PRDM16: variants seen among roughly 807,000 people sequenced by gnomAD.
The protein encoded by PRDM16 is PR/SET domain 16.
In PRDM16, 23 loss-of-function variants were observed where a neutral mutation model predicts 110.6. The ratio of observed to expected loss-of-function variants is 0.21; its 90% CI spans 0.15 to 0.29. The LOEUF is 0.29. Among genes scored for constraint, PRDM16 ranks in the 10% least tolerant of loss-of-function variants. The pLI, the probability that PRDM16 is intolerant of heterozygous loss-of-function variation, is 1.00. For synonymous variants in PRDM16, 799 were observed against 781.8 expected, an observed-to-expected ratio of 1.02 and a Z score of -0.37; for missense variants, 1,615 against 1,794.3, an observed-to-expected ratio of 0.90 and a Z score of 1.81.
Position 3,244,495 on chromosome 1 carries a change from A to C in PRDM16, c.438+358A>C, listed in dbSNP as rs961491926. The stretch of plus-strand genomic sequence containing the variant: ...GTGTTTATTTAACTGTCTTTGCTGG[A>C]TACTCTCATGAAAAGAATATGGGGA... On this transcript the variant is annotated intron_variant, in intron 3 of 16. Coordinates refer to ENST00000270722, the MANE Select transcript of PRDM16 (RefSeq NM_022114.4). The surrounding 1 kb of genome is among the most constrained non-coding windows in gnomAD (Gnocchi z 4.1). Among the ~76,000 whole-genome samples the C allele has an allele frequency of 1.4e-4, 21 of 152,158 alleles. No individual in the cohort carries two copies. Among genetic ancestry groups the C allele is most frequent in the African/African-American group, 5.1e-4 (21 of 41,430 alleles).
intron 1 of PRDM16, among the ~76,000 whole-genome samples, chr1:3,138,107 T>A (rs1295571388): frequency 6.6e-6 from 1 of 152,182 alleles, no homozygotes. Context: ...TTGTCGTTCT[T>A]GGGACACGAA....
In PRDM16 at chr1:3,300,357, CGTGGTGA is replaced by C. The variant is rs1308058514; in HGVS notation, c.438+56221_438+56227del. ...TGGCCATGATGTTTCCGATCCCAGT[CGTGGTGA>C]CTCTGCCCTGGTTGAAGATGCTATG... On this transcript the variant is annotated intron_variant, in intron 3 of 16. Transcript: ENST00000270722. 2.7e-4 allele frequency among the ~76,000 whole-genome samples: 35 copies of C among 131,250 alleles called. No homozygotes were observed. The Middle Eastern group carries it at 0.011, about 42-fold the overall frequency. The allele number at this position is 131,250 out of a possible 152,430, so 86.1% of individuals were successfully genotyped here. A position where few individuals can be genotyped will look rare whatever the true frequency, so the allele number is the denominator to read the frequency against.
Position 3,265,923 on chromosome 1 carries a change from G to C in PRDM16, c.438+21786G>C, listed in dbSNP as rs199592159. ...ACTGCTCCCCAGGGTTCCTTGGTGC[G>C]TGTCTCATAAAGCCCAGGAGGGCGA... On this transcript the variant is annotated intron_variant, in intron 3 of 16. Coordinates refer to ENST00000270722, the MANE Select transcript of PRDM16 (RefSeq NM_022114.4). This position sits in a 1 kb window ranked among gnomAD's most constrained non-coding sequence, Gnocchi z 4.5. 6.6e-6 allele frequency among the ~76,000 whole-genome samples: 1 copy of C among 152,034 alleles called. No individual in the cohort carries two copies. Among genetic ancestry groups the C allele is most frequent in the Non-Finnish European group, 1.5e-5 (1 of 67,996 alleles).
intron 3 of PRDM16, among the ~76,000 whole-genome samples, chr1:3,361,437 G>T (rs1026087623): frequency 6.6e-6 from 1 of 152,248 alleles, no homozygotes; most frequent in Non-Finnish European, 1.5e-5. Context: ...CCTGAAAGTT[G>T]TGTGTAGCAC....
intron 3 of PRDM16, among the ~76,000 whole-genome samples, chr1:3,264,986 G>A (rs1640253592): frequency 6.6e-6 from 1 of 151,938 alleles, no homozygotes; most frequent in Admixed American, 6.6e-5. Flanking sequence ...ATCAGAGGAG[G>A]GGTCAAGCAG....
chr1:3,173,400 G>A (rs1019024558), intron 1 of PRDM16, among the ~76,000 whole-genome samples: 3 of 152,206 alleles, frequency 2.0e-5, no homozygotes, highest in East Asian at 1.9e-4. Context: ...AAATGGGAAC[G>A]CTGCTGTCCC....
chr1:3,431,040 C>T lies in PRDM16; in HGVS notation c.3453C>T (p.Ala1151=), dbSNP rs966858972. The T allele has an allele frequency of 3.3e-5, 51 of 1,562,774 alleles. No homozygotes were observed. The highest frequency in any genetic ancestry group is 2.9e-4 in the Admixed American group (15 of 51,890). Residue 1151 remains alanine (A), a synonymous_variant, in exon 15 of 17, where the codon GCC becomes GCT. Transcript: ENST00000270722. The part of the protein sequence containing the change: ...DTVSPAPEPQ[A]AYEDEEDEEP... ...TGTCCCCCGCACCCGAGCCCCAGGCCGCCTACGAGGATGAGGAGGATGAGG... is the reference window on the plus strand; with the variant it reads ...TGTCCCCCGCACCCGAGCCCCAGGCTGCCTACGAGGATGAGGAGGATGAGG...
intron 1 of PRDM16, among the ~76,000 whole-genome samples, chr1:3,125,502 G>A (rs1557465961): frequency 1.3e-5 from 2 of 152,256 alleles, no homozygotes; most frequent in Admixed American, 6.5e-5. Context: ...GGGCAGAGTC[G>A]CCGGCTCAGC....
intron 2 of PRDM16, among the ~76,000 whole-genome samples, chr1:3,233,251 G>A (rs912416896): frequency 1.3e-5 from 2 of 152,182 alleles, no homozygotes; most frequent in Non-Finnish European, 2.9e-5. Flanking sequence ...TGTGTCGTCG[G>A]TGTGGAGGAG....
intron 1 of PRDM16, among the ~76,000 whole-genome samples, chr1:3,178,267 C>CCGAG (rs1644112075): frequency 4.7e-5 from 7 of 149,864 alleles, no homozygotes; most frequent in East Asian, 4.0e-4. Flanking sequence ...TTGGAGGCCA[C>CCGAG]ATCTACACAG....
chr1:3,315,237 C>T (rs569785446), intron 3 of PRDM16, among the ~76,000 whole-genome samples: 27 of 137,662 alleles, frequency 2.0e-4, no homozygotes, highest in African/African-American at 5.5e-4. Context: ...AGTTTTTGAA[C>T]GTCTACAGCG....
At chr1:3,416,614 C>T (rs1046663003) in intron 10 of PRDM16, among the ~76,000 whole-genome samples, 1 of 152,228 alleles carries the variant, frequency 6.6e-6, no homozygotes, top group Non-Finnish European at 1.5e-5. Context: ...CTTCCCTCTG[C>T]ATCTGTATCA....
At chr1:3,235,389 A>C (rs1195034900) in intron 2 of PRDM16, among the ~76,000 whole-genome samples, 2 of 152,038 alleles carry the variant, frequency 1.3e-5, no homozygotes, top group Non-Finnish European at 2.9e-5. Context: ...GCCACATGTC[A>C]CCTGCTTTTA....
intron 3 of PRDM16, among the ~76,000 whole-genome samples, chr1:3,284,371 G>T (rs74050828): frequency 0.02 from 3,045 of 152,278 alleles, 118 homozygotes; most frequent in African/African-American, 0.069. Flanking sequence ...TTTATCTGGA[G>T]GGGGAGGGAG....
intron 1 of PRDM16, among the ~76,000 whole-genome samples, chr1:3,134,270 G>T (rs1643392407): frequency 6.6e-6 from 1 of 152,180 alleles, no homozygotes; most frequent in Non-Finnish European, 1.5e-5. Context: ...TTCAGCTGGG[G>T]GACGGAGCTT....
intron 2 of PRDM16, among the ~76,000 whole-genome samples, chr1:3,210,204 G>C (rs917714013): frequency 6.6e-6 from 1 of 152,236 alleles, no homozygotes; most frequent in African/African-American, 2.4e-5. Flanking sequence ...CAGCCAGCCT[G>C]CACTCACAGG....
chr1:3,164,380 G>A (rs972863290), intron 1 of PRDM16, among the ~76,000 whole-genome samples: 1 of 152,170 alleles, frequency 6.6e-6, no homozygotes, highest in Non-Finnish European at 1.5e-5. Context: ...CCGTGACGTT[G>A]GGCCGACAGC....
At chr1:3,110,832 G>A (rs1642774424) in intron 1 of PRDM16, among the ~76,000 whole-genome samples, 1 of 152,288 alleles carries the variant, frequency 6.6e-6, no homozygotes. Context: ...CGTGTGAGGG[G>A]CACATGCTTG....
chr1:3,091,188 C>T (rs747768910), intron 1 of PRDM16, among the ~76,000 whole-genome samples: 4 of 152,212 alleles, frequency 2.6e-5, no homozygotes, highest in African/African-American at 4.8e-5. Flanking sequence ...CCAATAGCAG[C>T]TTAAACCACA....
Sources: allele counts gnomAD v4.1 joint callset (sites outside exome capture counted in the v4.1 genomes callset), GRCh38; gene constraint gnomAD v4.1.1; non-coding constraint Gnocchi (gnomAD v3.1); transcripts MANE v1.5; gene names NCBI Gene and HGNC (gene_info 2026-07-23, HGNC 2026-07-21).